Variants in MTRR observed in about 807,000 individuals in gnomAD.
The protein encoded by MTRR is 5-methyltetrahydrofolate-homocysteine methyltransferase reductase.
Under a neutral mutation model 79.2 loss-of-function variants are expected in MTRR, and 63 were observed. The observed-to-expected ratio is 0.80, with a 90% CI of 0.65 to 0.98. The LOEUF is 0.98. Among genes scored for constraint, MTRR ranks in the 50% least tolerant of loss-of-function variants. The probability of loss-of-function intolerance (pLI) is 0.00; values close to 1 mark genes in which losing one functional copy is unlikely to be tolerated. For synonymous variants in MTRR, 355 were observed against 313.3 expected (o/e 1.13, Z -1.41); for missense variants, 895 against 839.6 (o/e 1.07, Z -0.82).
intron 1 of MTRR, chr5:7,870,071 T>C (rs1747654171): frequency 2.0e-6 from 2 of 985,412 alleles, no homozygotes; most frequent in Non-Finnish European, 2.4e-6. Context: ...GTGTCGTTTG[T>C]TTTACTACTG....
At chr5:7,860,170 A>C (rs1221621224) in intron 1 of MTRR, among the ~76,000 whole-genome samples, 1 of 152,194 alleles carries the variant, frequency 6.6e-6, no homozygotes. Flanking sequence ...GCTTCTGAGT[A>C]GACACTGGCA....
intron 1 of MTRR, among the ~76,000 whole-genome samples, chr5:7,854,484 T>C (rs1746171310): frequency 6.6e-6 from 1 of 152,140 alleles, no homozygotes; most frequent in Non-Finnish European, 1.5e-5. Context: ...AAAAGAGGTT[T>C]AATTGGACTT....
At chr5:7,888,055 A>G (rs1053037630) in intron 8 of MTRR, among the ~76,000 whole-genome samples, 1 of 152,026 alleles carries the variant, frequency 6.6e-6, no homozygotes, top group African/African-American at 2.4e-5. Context: ...AATGGATACT[A>G]TGGATACACC....
intron 11 of MTRR, 71 bp downstream of exon 11, chr5:7,892,984 G>C: frequency 6.7e-7 from 1 of 1,492,236 alleles, no homozygotes; most frequent in East Asian, 2.4e-5. Context: ...AAACAGTGTT[G>C]TCTCACCCAC....
rs2126793201 is a variant in MTRR, at chr5:7,892,751, G to A, written c.1395G>A (p.Lys465=). The A allele has an allele frequency of 6.2e-7, 1 of 1,614,212 alleles. No individual in the cohort carries two copies. Among genetic ancestry groups the A allele is most frequent in the South Asian group, 1.1e-5 (1 of 91,080 alleles). The change falls in exon 11 of 15, where the codon AAG becomes AAA. Residue 465 remains lysine, a synonymous_variant. Coordinates refer to ENST00000440940, the MANE Select transcript of MTRR (RefSeq NM_002454.3). Reference sequence around the variant, plus strand: ...GCTCAAGTTTATTTCACCCAGGAAAGCTCCATTTTGTCTTCAACATTGTGG... The same window carrying A: ...GCTCAAGTTTATTTCACCCAGGAAAACTCCATTTTGTCTTCAACATTGTGG... ...CASSSLFHPG[K]LHFVFNIVEF... is the part of the protein sequence containing the mutation.
rs747634761 is a variant in MTRR at position 7,895,767 on chromosome 5, CA to C, written c.1592del (p.His531ProfsTer11). On this transcript the variant is annotated frameshift_variant, in exon 12 of 15. Transcript: ENST00000440940. LOFTEE classifies it high-confidence loss of function. Reference sequence around the variant, plus strand: ...CTCTCCTCGAACAACAAATTCTTTCCACTTACCAGATGACCCCTCAATCCCC... The same window carrying C: ...CTCTCCTCGAACAACAAATTCTTTCCCTTACCAGATGACCCCTCAATCCCC... ...SISPRTTNSF[H>X]LPDDPSIPII... 6.2e-7 allele frequency: 1 copy of C among 1,613,992 alleles called. No homozygotes were observed. The highest frequency in any genetic ancestry group is 8.5e-7 in the Non-Finnish European group (1 of 1,179,942).
Position 7,878,046 on chromosome 5 carries a change from G to C in MTRR, c.504G>C (p.Pro168=). The part of the protein sequence containing the change: ...RGQEEISGAL[P]VASPASSRTD... ...AAGAGGAGATAAGTGGCGCACTCCC[G>C]GTGGCATCACCTGCATCCTCGAGGA... The change falls in exon 5 of 15, where the codon CCG becomes CCC. Residue 168 remains proline (P), a synonymous_variant. Transcript: ENST00000440940. 2 of 1,613,816 alleles carry C rather than the reference G, an allele frequency of 1.2e-6. No individual in the cohort carries two copies. The highest frequency in any genetic ancestry group is 1.7e-6 in the Non-Finnish European group (2 of 1,179,982).
At position 7,855,958 on chromosome 5, in the gene MTRR, G is replaced by A. The variant is rs1746234649; in HGVS notation, n.391+4373G>A. 5.3e-5 allele frequency among the ~76,000 whole-genome samples: 8 copies of A among 152,300 alleles called. No homozygotes were observed. In the South Asian group the frequency reaches 1.7e-3, roughly 32 times the overall value. On this transcript the variant is annotated intron_variant and non_coding_transcript_variant, in intron 1 of 3. Coordinates refer to the MTRR transcript ENST00000502509. The stretch of plus-strand genomic sequence containing the variant: ...CCTGACTCGTGCAGCAGGGGAGACT[G>A]CACACCACAGGAGCCTAGAGACATC...
upstream of MTRR, chr5:7,867,740 A>G (rs1561113444): frequency 1.2e-6 from 2 of 1,614,156 alleles, no homozygotes; most frequent in South Asian, 2.2e-5. Flanking sequence ...AAAACTTAGC[A>G]CTTCTTCTGA....
chr5:7,891,521 C>A, intron 10 of MTRR, 107 bp downstream of exon 10: 1 of 913,630 alleles, frequency 1.1e-6, no homozygotes, highest in Non-Finnish European at 1.8e-6. Flanking sequence ...AACTTACCTG[C>A]TTTATGGAAG....
chr5:7,896,680 G>A (rs1738575554), intron 12 of MTRR, 184 bp from the exon 13 acceptor site: 3 of 629,382 alleles, frequency 4.8e-6, no homozygotes, highest in Non-Finnish European at 5.7e-6. Context: ...GCCTAGTGTG[G>A]CATCTGCTCG....
At position 7,878,987 on chromosome 5, in the gene MTRR, A is replaced by T. The variant is rs568298961; in HGVS notation, c.780+665A>T. ...ATTTCTTGTTTTTTTTAATGAAGAC[A>T]GATTTAGACATTTAAGAAATAATTT... is the stretch of plus-strand genomic sequence containing the variant. On this transcript the variant is annotated intron_variant, in intron 5 of 14. Coordinates refer to ENST00000440940, the MANE Select transcript of MTRR (RefSeq NM_002454.3). Among the ~76,000 whole-genome samples, 13 of 152,322 alleles carry T rather than the reference A, an allele frequency of 8.5e-5. No homozygotes were observed. In the East Asian group the frequency reaches 2.5e-3, roughly 29 times the overall value.
Position 7,897,164 on chromosome 5 carries a change from G to T in MTRR, c.1869G>T (p.Lys623Asn). Reference protein sequence around the residue: ...APVGEEEAPAKYVQDNIQLHG... With the variant: ...APVGEEEAPANYVQDNIQLHG... Reference sequence around the variant, plus strand: ...TTGGGGAGGAGGAAGCCCCAGCAAAGTATGTGCAAGACAACATCCAGCTTC... The same window carrying T: ...TTGGGGAGGAGGAAGCCCCAGCAAATTATGTGCAAGACAACATCCAGCTTC... The change falls in exon 14 of 15, where the codon AAG becomes AAT. Residue 623 changes from lysine to asparagine, a missense_variant. Coordinates refer to ENST00000440940, the MANE Select transcript of MTRR (RefSeq NM_002454.3). 1 of 1,614,152 alleles carries T rather than the reference G, an allele frequency of 6.2e-7. No individual in the cohort carries two copies. The highest frequency in any genetic ancestry group is 8.5e-7 in the Non-Finnish European group (1 of 1,180,044).
At position 7,900,195 on chromosome 5, in the gene MTRR, G is replaced by T. The variant is rs1013549186; in HGVS notation, c.*137G>T. The T allele has an allele frequency of 3.0e-5, 29 of 967,512 alleles. No individual in the cohort carries two copies. Among genetic ancestry groups the T allele is most frequent in the Middle Eastern group, 3.3e-4 (1 of 3,040 alleles). 59.9% of individuals were successfully genotyped at this position (967,512 alleles called of 1,614,324 possible). The stretch of plus-strand genomic sequence containing the variant: ...CTTGAAGGACATGGAGTGGAGATTG[G>T]ATCATTTAACAATATAACAAAACTT... On this transcript the variant is annotated 3_prime_UTR_variant, in exon 15 of 15. Coordinates refer to ENST00000440940, the MANE Select transcript of MTRR (RefSeq NM_002454.3).
intron 4 of MTRR, among the ~76,000 whole-genome samples, chr5:7,876,341 T>C (rs1396618283): frequency 2.6e-5 from 4 of 152,332 alleles, no homozygotes; most frequent in East Asian, 1.9e-4. Context: ...TTTTTTCTTT[T>C]GCCAGAAGCT....
intron 8 of MTRR, among the ~76,000 whole-genome samples, chr5:7,887,365 C>A (rs162040): frequency 0.89 from 134,747 of 151,698 alleles, 60,159 homozygotes; most frequent in African/African-American, 0.97. Context: ...TTAATGGATA[C>A]AATTTTTCAA....
rs76060941 is a variant in MTRR, at chr5:7,886,902, T to G, written c.1146+199T>G. 7.9e-3 allele frequency among the ~76,000 whole-genome samples: 1,207 copies of G among 152,326 alleles called. 14 individuals carry two copies. Among genetic ancestry groups the G allele is most frequent in the African/African-American group, 0.028 (1,144 of 41,564 alleles). On this transcript the variant is annotated intron_variant, in intron 8 of 14. Coordinates refer to ENST00000440940, the MANE Select transcript of MTRR (RefSeq NM_002454.3). ...GAATCTTTTTATGTTGTATTTGCAT[T>G]TAAATTTTTGTTTTCTATTGAAATG... is the stretch of plus-strand genomic sequence containing the variant.
chr5:7,879,425 T>G (rs1184256138), intron 5 of MTRR, among the ~76,000 whole-genome samples: 2 of 131,750 alleles, frequency 1.5e-5, no homozygotes, highest in East Asian at 4.8e-4. Context: ...ATTGCGCCAC[T>G]GCACTCCAGC....
intron 1 of MTRR, among the ~76,000 whole-genome samples, chr5:7,855,315 TGATTA>T (rs1746207555): frequency 6.6e-6 from 1 of 151,026 alleles, no homozygotes; most frequent in Non-Finnish European, 1.5e-5. Flanking sequence ...AATGGCTGAA[TGATTA>T]GATAAAAAAA....
Sources: allele counts gnomAD v4.1 joint callset (sites outside exome capture counted in the v4.1 genomes callset), GRCh38; gene constraint gnomAD v4.1.1; transcripts MANE v1.5; gene names NCBI Gene and HGNC (gene_info 2026-07-23, HGNC 2026-07-21).